Variants in MED23 observed in about 807,000 individuals in gnomAD.
The protein encoded by MED23 is mediator complex subunit 23.
In MED23, 105 loss-of-function variants were observed where a neutral mutation model predicts 163.9. The observed-to-expected ratio is 0.64, with a 90% CI of 0.55 to 0.75. MED23 has a LOEUF of 0.75. Among genes scored for constraint, MED23 ranks in the 30% least tolerant of loss-of-function variants. The probability of loss-of-function intolerance (pLI) is 0.00; values close to 1 mark genes in which losing one functional copy is unlikely to be tolerated. For synonymous variants in MED23, 561 were observed against 565.6 expected (o/e 0.99, Z 0.12); for missense variants, 1,054 against 1,649.0 (o/e 0.64, Z 6.25).
chr6:131,582,838 C>T, downstream of MED23: 2 of 858,382 alleles, frequency 2.3e-6, no homozygotes, highest in Admixed American at 3.7e-5. Context: ...CACATGCCCA[C>T]ACACATATAT....
rs1775202394 is a variant in MED23, at chr6:131,598,083, C to T, written c.2607+204G>A. Among the ~76,000 whole-genome samples, 1 of 149,640 alleles carries T rather than the reference C, an allele frequency of 6.7e-6. No individual in the cohort carries two copies. Among genetic ancestry groups the T allele is most frequent in the African/African-American group, 2.6e-5 (1 of 39,098 alleles). ...CTGCACTGGGCGACAGAGCGAGACC[C>T]TGTCTCAAAAAACAAACAAAAAAAC... On this transcript the variant is annotated intron_variant, in intron 20 of 28. Transcript: ENST00000368068. The surrounding 1 kb of genome is among the most constrained non-coding windows in gnomAD (Gnocchi z 4.7).
intron 30 of MED23, chr6:131,581,367 C>A (rs1562359129): frequency 1.2e-6 from 2 of 1,612,858 alleles, no homozygotes; most frequent in Non-Finnish European, 1.7e-6. Flanking sequence ...CCTGAAGGAA[C>A]TAAAAGGAAA....
chr6:131,576,597 G>C (rs1055653258), intron 30 of MED23: 2 of 1,434,588 alleles, frequency 1.4e-6, no homozygotes, highest in African/African-American at 1.4e-5. Context: ...TAATGAAAAG[G>C]GTTCCTGCTG....
At chr6:131,589,252 A>C (rs1348126027) in intron 28 of MED23, among the ~76,000 whole-genome samples, 1 of 152,170 alleles carries the variant, frequency 6.6e-6, no homozygotes, top group Non-Finnish European at 1.5e-5. Flanking sequence ...CAAGGGGGAA[A>C]AGTACAAGAA....
chr6:131,611,825 C>T (rs951732742), intron 10 of MED23, among the ~76,000 whole-genome samples: 1 of 152,152 alleles, frequency 6.6e-6, no homozygotes, highest in African/African-American at 2.4e-5. Flanking sequence ...GGTCTTCCAT[C>T]AATCTGCTTT....
chr6:131,605,630 T>A, intron 13 of MED23, 145 bp from the exon 14 acceptor site: 1 of 795,408 alleles, frequency 1.3e-6, no homozygotes, highest in Non-Finnish European at 1.9e-6. Context: ...GTGTGAAATG[T>A]ACAGTGGGAA....
chr6:131,607,470 A>C (rs960945353), intron 12 of MED23, among the ~76,000 whole-genome samples: 3 of 151,920 alleles, frequency 2.0e-5, no homozygotes, highest in Non-Finnish European at 4.4e-5. Context: ...GCTTCAACCC[A>C]GGAGGTGGAG....
At position 131,628,185 on chromosome 6, in the gene MED23, C is replaced by A. The variant is rs554891668; in HGVS notation, c.-136G>T. The A allele has an allele frequency of 1.8e-5, 18 of 1,017,566 alleles. No individual in the cohort carries two copies. Among genetic ancestry groups the A allele is most frequent in the South Asian group, 9.1e-5 (7 of 77,132 alleles). The allele number at this position is 1,017,566 out of a possible 1,614,324, so 63.0% of individuals were successfully genotyped here. A position where few individuals can be genotyped will look rare whatever the true frequency, so the allele number is the denominator to read the frequency against. On this transcript the variant is annotated 5_prime_UTR_variant, in exon 1 of 29. Coordinates refer to ENST00000368068, the MANE Select transcript of MED23 (RefSeq NM_004830.4). ...CTCGGCGTCGCTTCCTCCCCCAGCG[C>A]TTTACCTGGAGCGTTCCCTCCCGAG...
At chr6:131,578,046 A>G (rs1773712743) in intron 30 of MED23, among the ~76,000 whole-genome samples, 1 of 152,188 alleles carries the variant, frequency 6.6e-6, no homozygotes, top group Admixed American at 6.5e-5. Flanking sequence ...AAGCATAGCA[A>G]AAGAAAGCAG....
intron 26 of MED23, 87 bp from the exon 27 acceptor site, chr6:131,590,529 A>G: frequency 1.2e-6 from 1 of 852,342 alleles, no homozygotes; most frequent in Admixed American, 2.9e-5. Context: ...AAAGTATTAC[A>G]ATAAAATATA....
chr6:131,575,729 C>T (rs1049922650), intron 30 of MED23, among the ~76,000 whole-genome samples: 1 of 152,180 alleles, frequency 6.6e-6, no homozygotes, highest in Non-Finnish European at 1.5e-5. Flanking sequence ...CAGAAAGATA[C>T]AGAAAGGAAC....
intron 15 of MED23, among the ~76,000 whole-genome samples, chr6:131,603,549 G>A (rs2248551): frequency 0.17 from 25,760 of 151,868 alleles, 2,420 homozygotes; most frequent in East Asian, 0.33. Flanking sequence ...GAAGTATGAG[G>A]TTCACTTTTT....
rs568316562 is a variant in MED23, at chr6:131,615,883, T to C, written c.876+24A>G. On this transcript the variant is annotated intron_variant, in intron 10 of 28. Coordinates refer to ENST00000368068, the MANE Select transcript of MED23 (RefSeq NM_004830.4). ...AGTGCAGATTCTATGCAGAATTTAC[T>C]AGGTTTCCAGCATAGTACAGTACCT... is the stretch of plus-strand genomic sequence containing the variant. 3.2e-6 allele frequency: 5 copies of C among 1,539,186 alleles called. No individual in the cohort carries two copies. The South Asian group carries it at 4.5e-5, about 14-fold the overall frequency.
chr6:131,574,263 T>G, exon 31 of MED23: 1 of 1,613,954 alleles, frequency 6.2e-7, no homozygotes, highest in Non-Finnish European at 8.5e-7. Flanking sequence ...TTCCTCTTAA[T>G]TTGGAACCCT....
chr6:131,619,315 A>G (rs1330657675), intron 8 of MED23, among the ~76,000 whole-genome samples: 2 of 152,234 alleles, frequency 1.3e-5, no homozygotes, highest in African/African-American at 4.8e-5. Flanking sequence ...TGAGGTCACC[A>G]TGATTTCTAG....
chr6:131,594,449 A>T (rs1774890725), intron 22 of MED23, 114 bp from the exon 23 acceptor site: 1 of 836,362 alleles, frequency 1.2e-6, no homozygotes, highest in African/African-American at 1.7e-5. Context: ...TTATGAAACA[A>T]CTTCACATGC....
rs1775354750 is a variant in MED23 at position 131,600,081 on chromosome 6, T to C, written c.2177A>G (p.Asn726Ser). The C allele has an allele frequency of 2.5e-6, 4 of 1,613,858 alleles. No individual in the cohort carries two copies. The South Asian group carries it at 4.4e-5, about 18-fold the overall frequency. ...LQTIMSFTPH[N>S]WASHTLSCFP... ...ACAGCTCAGGGTGTGTGAAGCCCAA[T>C]TATGAGGAGTGAAACTCATGATGGT... Residue 726 changes from asparagine (N) to serine (S), a missense_variant, in exon 18 of 29, where the codon AAT becomes AGT. Physicochemically the swap from Asn to Ser is conservative, Grantham distance 46. Around this residue, in one of 11 missense-constraint regions of MED23, gnomAD observed 228 missense variants for 461.3 expected, o/e 0.49. Transcript: ENST00000368068.
intron 20 of MED23, among the ~76,000 whole-genome samples, chr6:131,597,483 A>G (rs1775144595): frequency 6.7e-6 from 1 of 149,816 alleles, no homozygotes; most frequent in Non-Finnish European, 1.5e-5. Flanking sequence ...ATCAAAAAAA[A>G]AAAAAAAAAA....
rs772506089 is a variant in MED23 at position 131,598,777 on chromosome 6, G to T, written c.2221-16C>A. 6.2e-7 allele frequency: 1 copy of T among 1,609,230 alleles called. No individual in the cohort carries two copies. Among genetic ancestry groups the T allele is most frequent in the East Asian group, 2.2e-5 (1 of 44,834 alleles). ...TGAAGAATGCCTAAAAAGAGGATTA[G>T]AAGTTTATTTCATTGGTTATAGTAG... On this transcript the variant is annotated splice_polypyrimidine_tract_variant and intron_variant, in intron 18 of 28. Coordinates refer to ENST00000368068, the MANE Select transcript of MED23 (RefSeq NM_004830.4). This position sits in a 1 kb window ranked among gnomAD's most constrained non-coding sequence, Gnocchi z 4.7.
Sources: allele counts gnomAD v4.1 joint callset (sites outside exome capture counted in the v4.1 genomes callset), GRCh38; gene constraint gnomAD v4.1.1; regional missense constraint gnomAD v4.1.1; non-coding constraint Gnocchi (gnomAD v3.1); transcripts MANE v1.5; gene names NCBI Gene and HGNC (gene_info 2026-07-23, HGNC 2026-07-21).